Variants in MYH16 observed in about 807,000 individuals in gnomAD.
The protein encoded by MYH16 is myosin heavy chain 16.
downstream of MYH16, among the ~76,000 whole-genome samples, chr7:99,309,626 T>C (rs1792731353): frequency 6.6e-6 from 1 of 152,234 alleles, no homozygotes; most frequent in African/African-American, 2.4e-5. Flanking sequence ...TGAGGCTTCC[T>C]GTACACCCAG....
chr7:99,259,427 A>T (rs914624360), intron 11 of MYH16, among the ~76,000 whole-genome samples: 4 of 152,176 alleles, frequency 2.6e-5, no homozygotes, highest in Non-Finnish European at 5.9e-5. Context: ...TAGCCTGGGC[A>T]ACAGGGTGAG....
At chr7:99,271,279 C>T (rs1246017482) in intron 19 of MYH16, among the ~76,000 whole-genome samples, 2 of 152,268 alleles carry the variant, frequency 1.3e-5, no homozygotes, top group African/African-American at 2.4e-5. Context: ...GAGGCTGAGG[C>T]GGGCGGATTG....
chr7:99,307,715 A>G (rs891772989), downstream of MYH16, among the ~76,000 whole-genome samples: 4 of 151,974 alleles, frequency 2.6e-5, no homozygotes, highest in African/African-American at 9.7e-5. Context: ...CATCTCAAAG[A>G]AAAAAAAGTC....
chr7:99,291,618 C>G, intron 31 of MYH16, among the ~76,000 whole-genome samples, 168 bp downstream of exon 12: 1 of 4,856 alleles, frequency 2.1e-4, no homozygotes, highest in East Asian at 2.3e-3. Flanking sequence ...CACAGCAAGA[C>G]CCCCCCCCAC....
intron 28 of MYH16, among the ~76,000 whole-genome samples, chr7:99,286,910 G>GCACCAC (rs1678580634): frequency 1.3e-5 from 2 of 152,128 alleles, no homozygotes; most frequent in Non-Finnish European, 2.9e-5. Context: ...AGCCATGATG[G>GCACCAC]CACCACTGCA....
At chr7:99,258,832 C>T (rs749122946) in intron 11 of MYH16, among the ~76,000 whole-genome samples, 1 of 151,914 alleles carries the variant, frequency 6.6e-6, no homozygotes, top group Non-Finnish European at 1.5e-5. Flanking sequence ...GCTTGTAAAC[C>T]CCTTGTATTA....
chr7:99,285,200 A>G (rs1193063161), intron 26 of MYH16, among the ~76,000 whole-genome samples, 182 bp from the exon 9 acceptor site: 1 of 152,154 alleles, frequency 6.6e-6, no homozygotes, highest in African/African-American at 2.4e-5. Flanking sequence ...GGTGTCACAC[A>G]TGCCAGGCCC....
At chr7:99,293,148 C>G (rs968847471) in intron 32 of MYH16, among the ~76,000 whole-genome samples, 2 of 152,226 alleles carry the variant, frequency 1.3e-5, no homozygotes, top group Non-Finnish European at 2.9e-5. Context: ...CAAGTTAAAT[C>G]AAAGAACATG....
intron 36 of MYH16, 93 bp downstream of exon 17, chr7:99,298,088 A>G: frequency 1.2e-5 from 5 of 418,846 alleles, no homozygotes; most frequent in South Asian, 8.5e-5. Flanking sequence ...TAGTCGCGTG[A>G]CGTTGGGCAA....
At chr7:99,261,301 C>G (rs1344608396) in intron 12 of MYH16, 1 of 152,548 alleles carries the variant, frequency 6.6e-6, no homozygotes, top group Non-Finnish European at 1.5e-5. Context: ...GCACCAGGCA[C>G]TGTTCCCAGA....
chr7:99,278,573 C>T (rs1026080996), intron 21 of MYH16, among the ~76,000 whole-genome samples: 13 of 152,162 alleles, frequency 8.5e-5, no homozygotes, highest in African/African-American at 3.1e-4. Context: ...TCACAGCCGC[C>T]CTGTAAGACA....
intron 20 of MYH16, among the ~76,000 whole-genome samples, chr7:99,276,803 T>C (rs1792117347): frequency 6.7e-6 from 1 of 149,274 alleles, no homozygotes; most frequent in Admixed American, 6.6e-5. Context: ...GAGTAAGAGA[T>C]GGAGAGAGAC....
intron 21 of MYH16, among the ~76,000 whole-genome samples, 199 bp from the exon 4 acceptor site, chr7:99,279,311 A>G (rs1792167153): frequency 6.7e-6 from 1 of 148,542 alleles, no homozygotes; most frequent in African/African-American, 2.5e-5. Flanking sequence ...GTGAGCTGTG[A>G]TCACACTACT....
At chr7:99,245,087 G>A (rs1042760089) in intron 2 of MYH16, among the ~76,000 whole-genome samples, 4 of 152,186 alleles carry the variant, frequency 2.6e-5, no homozygotes, top group African/African-American at 9.7e-5. Flanking sequence ...CTGGCTTCCA[G>A]GATGCTGTCT....
downstream of MYH16, among the ~76,000 whole-genome samples, chr7:99,310,549 C>G (rs1409763829): frequency 6.6e-6 from 1 of 152,130 alleles, no homozygotes; most frequent in African/African-American, 2.4e-5. Flanking sequence ...CCCTCAAAAC[C>G]TCATGCAGAA....
chr7:99,303,167 A>G (rs79453104), exon 39 of MYH16: 5,239 of 152,790 alleles, frequency 0.034, 112 homozygotes, highest in South Asian at 0.056. Flanking sequence ...GACCGAAGAG[A>G]GGGCCAAGAA....
At chr7:99,271,725 G>A (rs920042064) in intron 19 of MYH16, among the ~76,000 whole-genome samples, 6 of 152,102 alleles carry the variant, frequency 3.9e-5, no homozygotes, top group Non-Finnish European at 8.8e-5. Context: ...TGGGGGATGG[G>A]GTCTTGCTCT....
intron 8 of MYH16, chr7:99,253,852 GC>G (rs1375545116): frequency 5.9e-6 from 1 of 169,940 alleles, no homozygotes; most frequent in African/African-American, 2.4e-5. Flanking sequence ...CTATCCACCT[GC>G]CCCTGACCTT....
Position 99,273,081 on chromosome 7 carries a change from T to C in MYH16, n.2404-261T>C, listed in dbSNP as rs1176845375. Among the ~76,000 whole-genome samples the C allele has an allele frequency of 2.0e-5, 3 of 152,222 alleles. No individual in the cohort carries two copies. The highest frequency in any genetic ancestry group is 2.9e-5 in the Non-Finnish European group (2 of 68,044). ...AAAATGCAGGAGTCAATGACTGGTA[T>C]GTCTCAGCCTTGTGCCATCTGGGAG... On this transcript the variant is annotated intron_variant and non_coding_transcript_variant, in intron 19 of 41. Transcript: ENST00000439784.
Sources: gnomAD v4.1 joint callset for allele counts (sites outside exome capture counted in the v4.1 genomes callset) on GRCh38, gnomAD v4.1.1 for gene constraint, MANE v1.5 for transcripts, NCBI Gene and HGNC (gene_info 2026-07-23, HGNC 2026-07-21) for gene names.